GRIK2: variants seen among roughly 807,000 people sequenced by gnomAD.
The protein encoded by GRIK2 is glutamate ionotropic receptor kainate type subunit 2.
Under a neutral mutation model 100.3 loss-of-function variants are expected in GRIK2, and 32 were observed. That is an observed-to-expected ratio of 0.32 (90% CI 0.24 to 0.43). The LOEUF is 0.43. GRIK2 is among the 20% of genes least tolerant of loss of function. GRIK2 has a pLI of 1.00. For synonymous variants in GRIK2, 417 were observed against 389.4 expected (o/e 1.07, Z -0.83); for missense variants, 843 against 1,114.9 (o/e 0.76, Z 3.47).
chr6:101,981,800 A>G (rs988524916), intron 14 of GRIK2, among the ~76,000 whole-genome samples: 5 of 151,698 alleles, frequency 3.3e-5, no homozygotes, highest in Non-Finnish European at 5.9e-5. Flanking sequence ...GGCAAAGGAG[A>G]AGAAAGTGGA....
intron 2 of GRIK2, among the ~76,000 whole-genome samples, chr6:101,531,373 A>G (rs1311883425): frequency 1.3e-5 from 2 of 152,000 alleles, no homozygotes; most frequent in African/African-American, 4.8e-5. Flanking sequence ...CTATGTATAT[A>G]TAACTGGTAC....
chr6:101,629,016 G>A (rs1232247339), intron 4 of GRIK2, among the ~76,000 whole-genome samples: 1 of 151,960 alleles, frequency 6.6e-6, no homozygotes, highest in Non-Finnish European at 1.5e-5. Flanking sequence ...CAATAATTTG[G>A]TAAAATACAG....
chr6:101,837,572 A>C (rs1477575643), intron 10 of GRIK2, among the ~76,000 whole-genome samples: 1 of 152,146 alleles, frequency 6.6e-6, no homozygotes, highest in Non-Finnish European at 1.5e-5. Flanking sequence ...GAAAAAGGGA[A>C]AATAGTCTGG....
chr6:101,839,481 G>A (rs1180036228), intron 10 of GRIK2, among the ~76,000 whole-genome samples: 1 of 148,544 alleles, frequency 6.7e-6, no homozygotes, highest in African/African-American at 2.6e-5. Flanking sequence ...CAACATCAAA[G>A]TAGAAAGCCT....
At chr6:101,799,306 T>G (rs548827305) in intron 7 of GRIK2, among the ~76,000 whole-genome samples, 1 of 149,262 alleles carries the variant, frequency 6.7e-6, no homozygotes, top group South Asian at 2.1e-4. Context: ...TGTGTGTGTG[T>G]ATAAGTGAGA....
chr6:101,885,064 GT>G (rs1347286198), intron 11 of GRIK2, among the ~76,000 whole-genome samples: 1 of 152,046 alleles, frequency 6.6e-6, no homozygotes, highest in Non-Finnish European at 1.5e-5. Flanking sequence ...GCTTTCAAGT[GT>G]TTTTACTCTC....
intron 14 of GRIK2, among the ~76,000 whole-genome samples, chr6:101,936,217 A>G (rs1284035424): frequency 6.6e-6 from 1 of 152,062 alleles, no homozygotes. Context: ...TTCATTGTCC[A>G]TCAGACATTT....
chr6:101,525,887 G>A (rs887263095), intron 2 of GRIK2, among the ~76,000 whole-genome samples: 3 of 152,168 alleles, frequency 2.0e-5, no homozygotes, highest in African/African-American at 7.2e-5. Flanking sequence ...CAATGCTGTT[G>A]TAAGGACTGT....
intron 7 of GRIK2, among the ~76,000 whole-genome samples, chr6:101,725,519 C>T (rs1774799771): frequency 6.6e-6 from 1 of 151,946 alleles, no homozygotes; most frequent in Non-Finnish European, 1.5e-5. Context: ...GGACAATAGA[C>T]ACATTGATTT....
At chr6:101,579,840 A>C (rs1310475440) in intron 2 of GRIK2, among the ~76,000 whole-genome samples, 1 of 146,208 alleles carries the variant, frequency 6.8e-6, no homozygotes, top group African/African-American at 2.5e-5. Context: ...ACAGAGCGAG[A>C]CTGTGTCTTA....
At chr6:101,853,372 A>G (rs1312059989) in intron 10 of GRIK2, among the ~76,000 whole-genome samples, 1 of 152,218 alleles carries the variant, frequency 6.6e-6, no homozygotes, top group Non-Finnish European at 1.5e-5. Context: ...ATTACAAATT[A>G]AAACAACAAT....
intron 2 of GRIK2, among the ~76,000 whole-genome samples, chr6:101,419,111 C>T (rs1776290368): frequency 1.3e-5 from 2 of 151,312 alleles, no homozygotes; most frequent in Admixed American, 6.6e-5. Context: ...CTGGGGTAGA[C>T]AGCTATGATG....
chr6:101,441,750 C>A (rs1315045068), intron 2 of GRIK2, among the ~76,000 whole-genome samples: 1 of 152,068 alleles, frequency 6.6e-6, no homozygotes, highest in Non-Finnish European at 1.5e-5. Context: ...CAGCATAACA[C>A]CCGATAGGTA....
At chr6:101,478,703 T>A (rs1772381251) in intron 2 of GRIK2, among the ~76,000 whole-genome samples, 1 of 151,848 alleles carries the variant, frequency 6.6e-6, no homozygotes, top group Non-Finnish European at 1.5e-5. Flanking sequence ...CTTTTGTATT[T>A]TTAGTAAAGA....
chr6:101,751,859 G>T (rs1478340038), intron 7 of GRIK2, among the ~76,000 whole-genome samples: 1 of 152,146 alleles, frequency 6.6e-6, no homozygotes, highest in East Asian at 1.9e-4. Flanking sequence ...CCCTCAGAAG[G>T]TTGTTAATGT....
chr6:101,630,836 A>T (rs1293854275), intron 4 of GRIK2, among the ~76,000 whole-genome samples: 1 of 151,330 alleles, frequency 6.6e-6, no homozygotes, highest in Non-Finnish European at 1.5e-5. Flanking sequence ...TTACTGCAAA[A>T]CACACATGTG....
At chr6:101,426,432 T>C (rs1018067308) in intron 2 of GRIK2, among the ~76,000 whole-genome samples, 1 of 152,158 alleles carries the variant, frequency 6.6e-6, no homozygotes, top group African/African-American at 2.4e-5. Context: ...TTCTTCTATC[T>C]AACTGTATTT....
intron 16 of GRIK2, among the ~76,000 whole-genome samples, chr6:102,066,724 A>T (rs1036716148): frequency 2.6e-5 from 4 of 151,714 alleles, no homozygotes; most frequent in Admixed American, 2.0e-4. Context: ...AGATCAGAGA[A>T]GTCATGATGG....
At chr6:101,641,129 T>C (rs1201015561) in intron 4 of GRIK2, among the ~76,000 whole-genome samples, 1 of 152,046 alleles carries the variant, frequency 6.6e-6, no homozygotes, top group Non-Finnish European at 1.5e-5. Flanking sequence ...CAGTAAAAAT[T>C]GTGAAGTATA....
Sources: allele counts gnomAD v4.1 joint callset (sites outside exome capture counted in the v4.1 genomes callset), GRCh38; gene constraint gnomAD v4.1.1; transcripts MANE v1.5; gene names NCBI Gene and HGNC (gene_info 2026-07-23, HGNC 2026-07-21).